SGCD: variants seen among roughly 807,000 people sequenced by gnomAD.
SGCD encodes sarcoglycan delta, also known as delta-sarcoglycan.
SGCD carries 18 observed loss-of-function variants against 36.6 expected under a neutral mutation model. The observed-to-expected ratio is 0.49, with a 90% CI of 0.34 to 0.73. SGCD has a LOEUF of 0.73. Among genes scored for constraint, SGCD ranks in the 30% least tolerant of loss-of-function variants. SGCD has a pLI of 0.01. For synonymous variants in SGCD, 133 were observed against 130.6 expected (o/e 1.02, Z -0.12); for missense variants, 387 against 346.7 (o/e 1.12, Z -0.92).
intron 3 of SGCD, among the ~76,000 whole-genome samples, chr5:156,180,927 T>A (rs1356025511): frequency 1.3e-5 from 2 of 152,236 alleles, no homozygotes; most frequent in Non-Finnish European, 2.9e-5. Flanking sequence ...GATGTGATGA[T>A]GACTCTGTCT....
Position 156,682,129 on chromosome 5 carries a change from A to G in SGCD, c.575+34593A>G, listed in dbSNP as rs867307608. On this transcript the variant is annotated intron_variant, in intron 7 of 8. Coordinates refer to ENST00000337851, the MANE Select transcript of SGCD (RefSeq NM_000337.6). ...GGAACTGACTTGGTAAGGATCAAAC[A>G]TGGTACATGTTACTGACTTATTCAA... 2.6e-5 allele frequency among the ~76,000 whole-genome samples: 4 copies of G among 152,216 alleles called. No individual in the cohort carries two copies. In the South Asian group the frequency reaches 8.3e-4, roughly 31 times the overall value.
intron 3 of SGCD, among the ~76,000 whole-genome samples, chr5:156,487,588 G>C (rs1451584497): frequency 6.6e-6 from 1 of 151,886 alleles, no homozygotes; most frequent in Non-Finnish European, 1.5e-5. Context: ...AGAAGTTCAA[G>C]ACCAGCCTGA....
intron 3 of SGCD, among the ~76,000 whole-genome samples, chr5:156,408,854 C>T (rs1451387960): frequency 2.0e-5 from 3 of 152,168 alleles, no homozygotes; most frequent in African/African-American, 7.2e-5. Context: ...TTACCAGTTC[C>T]TGGTGACTTT....
At chr5:155,793,623 C>A in the SGCD span, among the ~76,000 whole-genome samples, 1 of 151,112 alleles carries the variant, frequency 6.6e-6, no homozygotes, top group Non-Finnish European at 1.5e-5. Context: ...CTCACTGCAA[C>A]CTCTACGTCC....
chr5:156,308,859 CT>C (rs1344805836), intron 3 of SGCD, among the ~76,000 whole-genome samples: 15 of 152,152 alleles, frequency 9.9e-5, no homozygotes, highest in African/African-American at 3.6e-4. Flanking sequence ...AATGAAATTG[CT>C]CAGCTTTTCT....
intron 2 of SGCD, among the ~76,000 whole-genome samples, chr5:156,121,052 G>A (rs1394101957): frequency 6.6e-6 from 1 of 152,104 alleles, no homozygotes; most frequent in Non-Finnish European, 1.5e-5. Context: ...GAATGTGGGG[G>A]CAGCTGGGGT....
At chr5:156,341,621 C>A (rs1332690250) in intron 2 of SGCD, among the ~76,000 whole-genome samples, 1 of 152,194 alleles carries the variant, frequency 6.6e-6, no homozygotes, top group African/African-American at 2.4e-5. Context: ...TTAGAATTAT[C>A]TGGGAAGCTT....
chr5:155,756,159 A>G, the SGCD span, among the ~76,000 whole-genome samples: 353 of 152,344 alleles, frequency 2.3e-3, 2 homozygotes, highest in African/African-American at 6.2e-3. Context: ...AAAAGGGCAT[A>G]GCATAGTAGA....
chr5:155,920,167 G>A (rs949000093), intron 1 of SGCD, among the ~76,000 whole-genome samples: 1 of 152,156 alleles, frequency 6.6e-6, no homozygotes, highest in African/African-American at 2.4e-5. Flanking sequence ...TCCTGGTTGG[G>A]ACACACTGCA....
intron 3 of SGCD, among the ~76,000 whole-genome samples, chr5:156,447,884 T>C (rs1026761220): frequency 1.3e-5 from 2 of 152,198 alleles, no homozygotes; most frequent in Admixed American, 1.3e-4. Flanking sequence ...TGCTTTATGA[T>C]TGTATTTTAT....
the SGCD span, among the ~76,000 whole-genome samples, chr5:155,777,803 T>C: frequency 6.6e-6 from 1 of 152,100 alleles, no homozygotes; most frequent in African/African-American, 2.4e-5. Context: ...TTTTTTTGTG[T>C]TTGTTTGTTA....
intron 6 of SGCD, among the ~76,000 whole-genome samples, chr5:156,602,078 A>C (rs1161544622): frequency 6.6e-6 from 1 of 152,134 alleles, no homozygotes; most frequent in African/African-American, 2.4e-5. Flanking sequence ...TAATCTGTGA[A>C]CATGGAGTCT....
rs539013538 is a variant in SGCD, at chr5:156,655,379, T to C, written c.575+7843T>C. Among the ~76,000 whole-genome samples, 3 of 152,288 alleles carry C rather than the reference T, an allele frequency of 2.0e-5. No homozygotes were observed. The East Asian group carries it at 5.8e-4, about 29-fold the overall frequency. ...AAAACCAGATTTAAGGCCTCTGGCA[T>C]TTCTTCCTAGAAGATGTCAGTTAAA... On this transcript the variant is annotated intron_variant, in intron 7 of 8. Coordinates refer to ENST00000337851, the MANE Select transcript of SGCD (RefSeq NM_000337.6).
chr5:156,557,251 A>G (rs536658228), intron 4 of SGCD, among the ~76,000 whole-genome samples: 1 of 152,274 alleles, frequency 6.6e-6, no homozygotes, highest in East Asian at 1.9e-4. Flanking sequence ...CCATAGCAAC[A>G]CCATCTGTCC....
intron 6 of SGCD, among the ~76,000 whole-genome samples, chr5:156,606,688 G>A (rs1388836201): frequency 1.3e-5 from 2 of 152,122 alleles, no homozygotes; most frequent in Admixed American, 1.3e-4. Context: ...AACATGAAAT[G>A]TTCTTCCATT....
At chr5:155,967,223 G>A (rs994002671) in intron 1 of SGCD, among the ~76,000 whole-genome samples, 2 of 151,906 alleles carry the variant, frequency 1.3e-5, no homozygotes, top group Non-Finnish European at 2.9e-5. Context: ...GCTACACCTT[G>A]CCTGTGATGG....
rs1457435306 is a variant in SGCD at position 156,602,773 on chromosome 5, G to A, written c.502+7722G>A. ...GATTTGCTGATGGTAAACCATCCTTGCATTCCTGGTATGAATCCTACTTGG... is the reference window on the plus strand; with the variant it reads ...GATTTGCTGATGGTAAACCATCCTTACATTCCTGGTATGAATCCTACTTGG... On this transcript the variant is annotated intron_variant, in intron 6 of 8. Transcript: ENST00000337851. 4.6e-5 allele frequency among the ~76,000 whole-genome samples: 7 copies of A among 152,216 alleles called. No individual in the cohort carries two copies. In the East Asian group the frequency reaches 1.4e-3, roughly 29 times the overall value.
the SGCD span, among the ~76,000 whole-genome samples, chr5:155,845,230 C>T: frequency 2.0e-5 from 3 of 152,140 alleles, no homozygotes; most frequent in African/African-American, 7.2e-5. Context: ...AAGCACTTGG[C>T]ATAGTCATTT....
intron 6 of SGCD, among the ~76,000 whole-genome samples, chr5:156,629,284 G>C (rs1470578668): frequency 6.6e-6 from 1 of 152,184 alleles, no homozygotes; most frequent in Non-Finnish European, 1.5e-5. Context: ...GCACAGACTT[G>C]AGCAGGATTG....
Sources: gnomAD v4.1 joint callset for allele counts (sites outside exome capture counted in the v4.1 genomes callset) on GRCh38, gnomAD v4.1.1 for gene constraint, MANE v1.5 for transcripts, NCBI Gene and HGNC (gene_info 2026-07-23, HGNC 2026-07-21) for gene names.